RGL1: variants seen among roughly 807,000 people sequenced by gnomAD.
RGL1 encodes the protein ral guanine nucleotide dissociation stimulator-like 1.
In RGL1, 24 loss-of-function variants were observed where a neutral mutation model predicts 95.2. The observed-to-expected ratio is 0.25, with a 90% CI of 0.18 to 0.35. The LOEUF (loss-of-function observed/expected upper bound fraction) is 0.35, where lower values mean the gene tolerates loss of function less well. RGL1 is among the 10% of genes least tolerant of loss of function. RGL1 has a pLI of 1.00. For synonymous variants in RGL1, 329 were observed against 344.9 expected (o/e 0.95, Z 0.51); for missense variants, 715 against 936.3 (o/e 0.76, Z 3.08).
chr1:183,865,588 C>T (rs112946532), intron 3 of RGL1, among the ~76,000 whole-genome samples: 134 of 152,300 alleles, frequency 8.8e-4, no homozygotes, highest in African/African-American at 3.1e-3. Flanking sequence ...GCTGTGCCTG[C>T]AGAGCCATGT....
At chr1:183,755,605 G>A (rs557881668) in intron 2 of RGL1, among the ~76,000 whole-genome samples, 2 of 152,188 alleles carry the variant, frequency 1.3e-5, no homozygotes, top group South Asian at 4.1e-4. Flanking sequence ...TTACATGGGT[G>A]TACGTATTTG....
chr1:183,794,552 T>G (rs1456473426), intron 2 of RGL1, among the ~76,000 whole-genome samples: 1 of 152,198 alleles, frequency 6.6e-6, no homozygotes, highest in Non-Finnish European at 1.5e-5. Context: ...CTCACAAACA[T>G]GTATCAATAA....
At chr1:183,877,665 CCT>C (rs1666584458) in intron 4 of RGL1, among the ~76,000 whole-genome samples, 2 of 152,184 alleles carry the variant, frequency 1.3e-5, no homozygotes, top group African/African-American at 4.8e-5. Context: ...CCCCTTCATT[CCT>C]CTTTTGTGTG....
At chr1:183,752,263 T>A (rs1416451706) in intron 2 of RGL1, among the ~76,000 whole-genome samples, 1 of 151,914 alleles carries the variant, frequency 6.6e-6, no homozygotes, top group Admixed American at 6.6e-5. Flanking sequence ...AGTCTCACTC[T>A]GTCACCAGGC....
intron 9 of RGL1, among the ~76,000 whole-genome samples, chr1:183,895,167 T>C (rs1197528771): frequency 6.6e-6 from 1 of 152,190 alleles, no homozygotes; most frequent in African/African-American, 2.4e-5. Context: ...AGCAAGAGTC[T>C]GTTACAACTG....
At chr1:183,871,826 C>A (rs1404404980) in intron 4 of RGL1, among the ~76,000 whole-genome samples, 2 of 152,180 alleles carry the variant, frequency 1.3e-5, no homozygotes, top group Admixed American at 1.3e-4. Flanking sequence ...ACTTGTAATT[C>A]CAGTCCAGAG....
chr1:183,746,299 A>G (rs1219091098), intron 2 of RGL1, among the ~76,000 whole-genome samples: 1 of 152,058 alleles, frequency 6.6e-6, no homozygotes. Flanking sequence ...TGTATCCTCA[A>G]ACAATACTGT....
intron 13 of RGL1, among the ~76,000 whole-genome samples, chr1:183,906,693 A>C (rs73047597): frequency 0.017 from 2,640 of 152,302 alleles, 89 homozygotes; most frequent in African/African-American, 0.061. Context: ...CTGGCCTAGC[A>C]GTGGGATGAG....
At chr1:183,646,262 C>G (rs1650283877) in intron 1 of RGL1, 1 of 152,132 alleles carries the variant, frequency 6.6e-6, no homozygotes, top group African/African-American at 2.4e-5. Context: ...AATTTGTATG[C>G]TAACAATAAA....
At chr1:183,696,521 A>T (rs763269744) in intron 1 of RGL1, among the ~76,000 whole-genome samples, 1 of 152,194 alleles carries the variant, frequency 6.6e-6, no homozygotes, top group Non-Finnish European at 1.5e-5. Context: ...TGCCAGCCTC[A>T]ATCCACAAAC....
chr1:183,776,437 C>G, intron 2 of RGL1, among the ~76,000 whole-genome samples: 1 of 151,976 alleles, frequency 6.6e-6, no homozygotes, highest in Non-Finnish European at 1.5e-5. Flanking sequence ...CGTGAGCCAC[C>G]GCGCCCGGCC....
chr1:183,720,692 T>A (rs1572329670), intron 1 of RGL1, among the ~76,000 whole-genome samples: 1 of 152,214 alleles, frequency 6.6e-6, no homozygotes, highest in Admixed American at 6.5e-5. Context: ...TGGAACCTAA[T>A]GTGTGGAGAA....
chr1:183,814,291 A>G (rs927193667), intron 2 of RGL1, among the ~76,000 whole-genome samples: 2 of 152,178 alleles, frequency 1.3e-5, no homozygotes, highest in Non-Finnish European at 2.9e-5. Context: ...GTGACTGCAT[A>G]TGTTTCCCAA....
At chr1:183,900,069 A>G (rs189881703) in intron 10 of RGL1, 81 bp from the exon 11 acceptor site, 3 of 1,124,292 alleles carry the variant, frequency 2.7e-6, no homozygotes, top group Admixed American at 1.8e-5. Context: ...GAATACATCC[A>G]TTTGCTCCAG....
chr1:183,838,808 C>T (rs990205463), intron 2 of RGL1, among the ~76,000 whole-genome samples: 2 of 152,186 alleles, frequency 1.3e-5, no homozygotes, highest in African/African-American at 4.8e-5. Context: ...AAAATAAAAA[C>T]CCTAATTTGT....
At chr1:183,853,461 C>T (rs1296048864) in intron 3 of RGL1, among the ~76,000 whole-genome samples, 1 of 152,088 alleles carries the variant, frequency 6.6e-6, no homozygotes, top group Non-Finnish European at 1.5e-5. Context: ...TGAATTACTC[C>T]CTTAATTTCA....
chr1:183,882,599 C>G (rs978841909), intron 5 of RGL1, among the ~76,000 whole-genome samples: 1 of 152,150 alleles, frequency 6.6e-6, no homozygotes, highest in South Asian at 2.1e-4. Context: ...AGGCAGTGAT[C>G]CCCTTCTACG....
At chr1:183,791,405 T>C (rs1660436186) in intron 2 of RGL1, among the ~76,000 whole-genome samples, 1 of 152,248 alleles carries the variant, frequency 6.6e-6, no homozygotes, top group East Asian at 1.9e-4. Flanking sequence ...GTTACAATTA[T>C]ATTTCCATTA....
At chr1:183,774,976 G>T (rs553245505) in intron 2 of RGL1, among the ~76,000 whole-genome samples, 1 of 152,132 alleles carries the variant, frequency 6.6e-6, no homozygotes, top group East Asian at 1.9e-4. Context: ...ACAATGAGAC[G>T]TCAGGCCCTT....
Sources: gnomAD v4.1 joint callset for allele counts (sites outside exome capture counted in the v4.1 genomes callset) on GRCh38, gnomAD v4.1.1 for gene constraint, MANE v1.5 for transcripts, NCBI Gene and HGNC (gene_info 2026-07-23, HGNC 2026-07-21) for gene names.